The following STK24 variants were observed in gnomAD, a reference collection of about 807,000 sequenced individuals.
STK24 encodes the protein serine/threonine-protein kinase 24.
In STK24, 21 loss-of-function variants were observed where a neutral mutation model predicts 55.6. The ratio of observed to expected loss-of-function variants is 0.38; its 90% confidence interval spans 0.27 to 0.54. STK24 has a LOEUF of 0.54. Ranked by LOEUF, STK24 falls within the 20% of genes least tolerant of loss-of-function variation. STK24 has a pLI of 0.79. For synonymous variants in STK24, 200 were observed against 215.2 expected (o/e 0.93, Z 0.62); for missense variants, 383 against 538.4 (o/e 0.71, Z 2.86).
chr13:98,476,815 CT>C (rs1488291923), intron 3 of STK24, among the ~76,000 whole-genome samples: 1 of 152,244 alleles, frequency 6.6e-6, no homozygotes, highest in Non-Finnish European at 1.5e-5. Flanking sequence ...GTCAGGGCCA[CT>C]CTCAGAGGTG....
At chr13:98,562,483 C>T (rs149265762) in intron 1 of STK24, among the ~76,000 whole-genome samples, 236 of 152,344 alleles carry the variant, frequency 1.5e-3, no homozygotes, top group Middle Eastern at 0.01. Context: ...ATTACTACTA[C>T]TCTGACATAA....
chr13:98,534,444 A>G (rs1344066573), intron 1 of STK24, among the ~76,000 whole-genome samples: 6 of 152,196 alleles, frequency 3.9e-5, no homozygotes, highest in Admixed American at 6.5e-5. Flanking sequence ...AAAAATGGTA[A>G]TAGCCCTTTC....
chr13:98,556,957 T>C (rs1897302388), intron 1 of STK24, among the ~76,000 whole-genome samples: 1 of 152,212 alleles, frequency 6.6e-6, no homozygotes, highest in African/African-American at 2.4e-5. Flanking sequence ...AAGCTACTCT[T>C]GACTTACGAC....
chr13:98,558,568 A>G (rs1004922903), intron 1 of STK24, among the ~76,000 whole-genome samples: 2 of 152,202 alleles, frequency 1.3e-5, no homozygotes, highest in African/African-American at 4.8e-5. Flanking sequence ...CTCCTCCTCC[A>G]ACTCTCTTAT....
chr13:98,506,783 T>C (rs1895695904), intron 2 of STK24, among the ~76,000 whole-genome samples: 1 of 152,188 alleles, frequency 6.6e-6, no homozygotes, highest in African/African-American at 2.4e-5. Context: ...GGCAAGAATT[T>C]CTCCTGCTGA....
intron 2 of STK24, among the ~76,000 whole-genome samples, chr13:98,499,266 C>T (rs1895357547): frequency 6.6e-6 from 1 of 151,226 alleles, no homozygotes; most frequent in South Asian, 2.1e-4. Flanking sequence ...CAAGTAAGGG[C>T]CTAATGTTCT....
chr13:98,538,292 C>CTCGA (rs1302280205), intron 1 of STK24, among the ~76,000 whole-genome samples: 3 of 128,982 alleles, frequency 2.3e-5, no homozygotes, highest in Admixed American at 9.9e-5. Context: ...GTGGCATGAT[C>CTCGA]TCGATCACTG....
intron 1 of STK24, among the ~76,000 whole-genome samples, chr13:98,532,652 T>C (rs553758205): frequency 6.6e-6 from 1 of 152,330 alleles, no homozygotes; most frequent in South Asian, 2.1e-4. Flanking sequence ...CTTTAGCAAA[T>C]GGCTCCAAGA....
chr13:98,569,427 C>CAA (rs200044138), intron 1 of STK24, among the ~76,000 whole-genome samples: 107 of 131,748 alleles, frequency 8.1e-4, no homozygotes, highest in African/African-American at 2.6e-3. Context: ...AAAAAAAAAA[C>CAA]AAAAAAAAAC....
rs189075604 is a variant in STK24 at position 98,522,764 on chromosome 13, G to A, written c.43-3291C>T. On this transcript the variant is annotated intron_variant, in intron 1 of 10. Transcript: ENST00000539966. The stretch of plus-strand genomic sequence containing the variant: ...CCCCTGTGCCCAGGTATGATAAGTG[G>A]CATGGGACTGTGGTCAGTAAACATC... Among the ~76,000 whole-genome samples the A allele has an allele frequency of 2.0e-5, 3 of 152,304 alleles. No individual in the cohort carries two copies. In the East Asian group the frequency reaches 5.8e-4, roughly 29 times the overall value.
intron 5 of STK24, among the ~76,000 whole-genome samples, chr13:98,469,155 G>A (rs1179151500): frequency 6.6e-6 from 1 of 152,226 alleles, no homozygotes; most frequent in Non-Finnish European, 1.5e-5. Flanking sequence ...TGTGCACCAC[G>A]GGAAGTTCAC....
At chr13:98,527,350 CCA>C (rs1896459846) in intron 1 of STK24, among the ~76,000 whole-genome samples, 1 of 152,176 alleles carries the variant, frequency 6.6e-6, no homozygotes, top group Non-Finnish European at 1.5e-5. Flanking sequence ...TCTAAAAAGC[CCA>C]GAGATGGAGA....
intron 1 of STK24, among the ~76,000 whole-genome samples, chr13:98,563,891 T>C (rs1897498171): frequency 6.7e-6 from 1 of 149,556 alleles, no homozygotes; most frequent in Non-Finnish European, 1.5e-5. Flanking sequence ...CAATTCCTCA[T>C]GTAATGAATT....
Position 98,446,444 on chromosome 13 carries a change from C to G in STK24, c.*6729G>C. The G allele has an allele frequency of 1.7e-6, 1 of 605,514 alleles. No homozygotes were observed. 37.5% of individuals were successfully genotyped at this position (605,514 alleles called of 1,614,324 possible). A position where few individuals can be genotyped will look rare whatever the true frequency, so the allele number is the denominator to read the frequency against. ...AAGGGCCACCTGTCTTCTGCCTGGA[C>G]AAGGGACGGGGGTTGGCTTTATCTA... On this transcript the variant is annotated 3_prime_UTR_variant, in exon 11 of 11. Transcript: ENST00000539966.
At chr13:98,542,023 T>C (rs1418483617) in intron 1 of STK24, among the ~76,000 whole-genome samples, 3 of 152,206 alleles carry the variant, frequency 2.0e-5, no homozygotes, top group Non-Finnish European at 4.4e-5. Flanking sequence ...GAGTCAAAGC[T>C]CGTTCCATCT....
chr13:98,448,433 C>CCAGCAGCTCTCCTGTCTCCA lies in STK24; in HGVS notation c.*4720_*4739dup. The CCAGCAGCTCTCCTGTCTCCA allele has an allele frequency of 1.2e-6, 1 of 851,654 alleles. No individual in the cohort carries two copies. Among genetic ancestry groups the CCAGCAGCTCTCCTGTCTCCA allele is most frequent in the Admixed American group, 2.0e-5 (1 of 50,510 alleles). The allele number at this position is 851,654 out of a possible 1,614,324, so 52.8% of individuals were successfully genotyped here. ...GTCTGAAAATCAAAAACATGGCTTC[C>CCAGCAGCTCTCCTGTCTCCA]CAGCAGCTCTCCTGTCTCCACAGCC... On this transcript the variant is annotated 3_prime_UTR_variant, in exon 11 of 11. Transcript: ENST00000539966.
chr13:98,475,232 A>C lies in STK24; in HGVS notation c.439+18T>G. 2 of 1,587,968 alleles carry C rather than the reference A, an allele frequency of 1.3e-6. No individual in the cohort carries two copies. Among genetic ancestry groups the C allele is most frequent in the Non-Finnish European group, 1.7e-6 (2 of 1,162,150 alleles). On this transcript the variant is annotated intron_variant, in intron 4 of 10. Transcript: ENST00000539966. ...CACCTTCAGTATTTCAAAGGAATGA[A>C]AACGGATGTCCTCTTACCTTTAATG...
chr13:98,535,688 T>A (rs2139410346), intron 1 of STK24, among the ~76,000 whole-genome samples: 1 of 152,268 alleles, frequency 6.6e-6, no homozygotes, highest in East Asian at 1.9e-4. Context: ...ATTACACAGC[T>A]GAGACAATTC....
intron 2 of STK24, among the ~76,000 whole-genome samples, chr13:98,489,085 G>A (rs1220143500): frequency 6.6e-6 from 1 of 152,182 alleles, no homozygotes; most frequent in African/African-American, 2.4e-5. Flanking sequence ...TTAAGGCCTG[G>A]TTTGCATCCA....
Sources: gnomAD v4.1 joint callset for allele counts (sites outside exome capture counted in the v4.1 genomes callset) on GRCh38, gnomAD v4.1.1 for gene constraint, MANE v1.5 for transcripts, NCBI Gene and HGNC (gene_info 2026-07-23, HGNC 2026-07-21) for gene names.